ARHGAP22: variants seen among roughly 807,000 people sequenced by gnomAD.
ARHGAP22 encodes rho GTPase-activating protein 22.
In ARHGAP22, 48 loss-of-function variants were observed where a neutral mutation model predicts 59.1. The ratio of observed to expected loss-of-function variants is 0.81; its 90% CI spans 0.64 to 1.03. The LOEUF (loss-of-function observed/expected upper bound fraction) is 1.03. ARHGAP22 is among the 50% of genes least tolerant of loss of function. The pLI is 0.00. For synonymous variants in ARHGAP22, 445 were observed against 416.4 expected (o/e 1.07, Z -0.84); for missense variants, 1,015 against 958.7 (o/e 1.06, Z -0.78).
At chr10:48,647,852 T>A (rs937591609) in intron 1 of ARHGAP22, among the ~76,000 whole-genome samples, 1 of 152,168 alleles carries the variant, frequency 6.6e-6, no homozygotes, top group African/African-American at 2.4e-5. Context: ...ATTACTCAGC[T>A]ACAAAGGAGC....
At chr10:48,439,180 C>T in the ARHGAP22 span, 8 of 151,586 alleles carry the variant, frequency 5.3e-5, no homozygotes, top group Non-Finnish European at 1.2e-4. Context: ...CTCTCCTTTC[C>T]TCTAGACAAA....
intron 3 of ARHGAP22, among the ~76,000 whole-genome samples, chr10:48,521,595 G>C (rs1476780102): frequency 1.3e-5 from 2 of 152,166 alleles, no homozygotes; most frequent in Non-Finnish European, 2.9e-5. Context: ...ATGATTAATG[G>C]ACTCTCTTTC....
intron 3 of ARHGAP22, among the ~76,000 whole-genome samples, chr10:48,531,281 A>G (rs893989700): frequency 6.6e-6 from 1 of 152,222 alleles, no homozygotes; most frequent in African/African-American, 2.4e-5. Flanking sequence ...AAAGGGTGGC[A>G]GGAGGCTGAG....
intron 1 of ARHGAP22, chr10:48,624,138 C>T (rs1398691091): frequency 6.6e-6 from 1 of 152,264 alleles, no homozygotes; most frequent in East Asian, 1.9e-4. Context: ...TTGTTGAGAT[C>T]ATCAAAAGAG....
chr10:48,578,916 T>TC (rs1158479551), intron 2 of ARHGAP22, among the ~76,000 whole-genome samples: 2 of 152,110 alleles, frequency 1.3e-5, no homozygotes, highest in Non-Finnish European at 2.9e-5. Flanking sequence ...CCTTTTTTTT[T>TC]CCGTTCTTTT....
At chr10:48,579,692 C>A (rs2058988591) in intron 2 of ARHGAP22, among the ~76,000 whole-genome samples, 1 of 152,202 alleles carries the variant, frequency 6.6e-6, no homozygotes, top group Non-Finnish European at 1.5e-5. Context: ...GTGTTGTGAG[C>A]TCTGCGAAGC....
At position 48,453,325 on chromosome 10, in the gene ARHGAP22, C is replaced by T; in HGVS notation, c.967G>A (p.Asp323Asn). 3 of 1,613,900 alleles carry T rather than the reference C, an allele frequency of 1.9e-6. No individual in the cohort carries two copies. The highest frequency in any genetic ancestry group is 2.5e-6 in the Non-Finnish European group (3 of 1,179,928). Residue 323 changes from aspartate (D) to asparagine (N), a missense_variant, in exon 8 of 10, where the codon GAC becomes AAC. Transcript: ENST00000249601. Reference protein sequence around the residue: ...GPNILRPQVEDPVTIMEGTSL... With the variant: ...GPNILRPQVENPVTIMEGTSL... Reference sequence around the variant, plus strand: ...TTACCTTCCATGATGGTTACTGGGTCCTCTACCTGTGGCCGCAGAATGTTA... The same window carrying T: ...TTACCTTCCATGATGGTTACTGGGTTCTCTACCTGTGGCCGCAGAATGTTA...
At chr10:48,539,309 T>TTTTTTTA in intron 3 of ARHGAP22, among the ~76,000 whole-genome samples, 4 of 148,250 alleles carry the variant, frequency 2.7e-5, no homozygotes, top group African/African-American at 1.0e-4. Flanking sequence ...TTTTTTTTTT[T>TTTTTTTA]GAGACGGAGT....
chr10:48,605,362 G>A (rs1169466319), upstream of ARHGAP22, among the ~76,000 whole-genome samples: 1 of 144,898 alleles, frequency 6.9e-6, no homozygotes, highest in African/African-American at 2.6e-5. Flanking sequence ...CAATCCACGG[G>A]GACCCGCTTA....
rs74130277 is a variant in ARHGAP22, at chr10:48,446,225, T to A, written c.*166A>T. The A allele has an allele frequency of 2.8e-3, 1,879 of 670,780 alleles. 28 individuals are homozygous for A. The African/African-American group carries it at 0.029, about 10-fold the overall frequency. The allele number at this position is 670,780 out of a possible 1,614,324, so 41.6% of individuals were successfully genotyped here. A position where few individuals can be genotyped will look rare whatever the true frequency, so the allele number is the denominator to read the frequency against. On this transcript the variant is annotated 3_prime_UTR_variant, in exon 10 of 10. Transcript: ENST00000249601. Reference sequence around the variant, plus strand: ...GAGCAGCATCTGATCCCACCTGGAGTGTGTGGGGTCCCAAAAGTCCCCACA... The same window carrying A: ...GAGCAGCATCTGATCCCACCTGGAGAGTGTGGGGTCCCAAAAGTCCCCACA...
At chr10:48,655,031 ATTCTTTCTTTCT>A (rs1385320986), upstream of ARHGAP22, among the ~76,000 whole-genome samples, 1 of 35,824 alleles carries the variant, frequency 2.8e-5, no homozygotes, top group South Asian at 8.7e-4. Flanking sequence ...TCTTTCTTTC[ATTCTTTCTTTCT>A]TTCTTTCTTT....
At chr10:48,601,715 A>G (rs902023555) in intron 1 of ARHGAP22, among the ~76,000 whole-genome samples, 2 of 152,148 alleles carry the variant, frequency 1.3e-5, no homozygotes, top group Non-Finnish European at 2.9e-5. Context: ...GTTATATATG[A>G]TAATAATTTT....
chr10:48,652,190 G>A, intron 1 of ARHGAP22: 1 of 1,508,568 alleles, frequency 6.6e-7, no homozygotes, highest in Non-Finnish European at 8.9e-7. Context: ...GAAGTCAAAT[G>A]CAAAGGTAAT....
intron 9 of ARHGAP22, 59 bp downstream of exon 9, chr10:48,450,202 C>A (rs764202853): frequency 1.0e-4 from 159 of 1,570,426 alleles, no homozygotes; most frequent in Non-Finnish European, 1.3e-4. Context: ...GTGCCAAGAG[C>A]ACGGCTCTCC....
chr10:48,604,515 G>A (rs2060567670), intron 1 of ARHGAP22, among the ~76,000 whole-genome samples: 2 of 152,224 alleles, frequency 1.3e-5, no homozygotes, highest in Admixed American at 6.5e-5. Context: ...AATGTGGGGC[G>A]AAGTGTGCAC....
intron 4 of ARHGAP22, among the ~76,000 whole-genome samples, chr10:48,477,486 C>T (rs2048861417): frequency 6.6e-6 from 1 of 152,220 alleles, no homozygotes; most frequent in Admixed American, 6.5e-5. Flanking sequence ...ATCCAAGTCT[C>T]CTGGCATACC....
At chr10:48,643,157 C>T (rs148722162) in intron 1 of ARHGAP22, among the ~76,000 whole-genome samples, 5,912 of 152,194 alleles carry the variant, frequency 0.039, 162 homozygotes, top group Non-Finnish European at 0.059. Flanking sequence ...TAAACTAGTT[C>T]GACCATTGTG....
chr10:48,476,349 C>G (rs1054158916), intron 4 of ARHGAP22, among the ~76,000 whole-genome samples: 6 of 152,256 alleles, frequency 3.9e-5, no homozygotes, highest in Non-Finnish European at 8.8e-5. Context: ...GCTGTCCCAT[C>G]TGCAGCAGGC....
At chr10:48,501,517 G>A (rs2051522488) in intron 3 of ARHGAP22, among the ~76,000 whole-genome samples, 1 of 152,186 alleles carries the variant, frequency 6.6e-6, no homozygotes. Flanking sequence ...TGAGGAAAGT[G>A]GGCAGACCTT....
Sources: allele counts gnomAD v4.1 joint callset (sites outside exome capture counted in the v4.1 genomes callset), GRCh38; gene constraint gnomAD v4.1.1; transcripts MANE v1.5; gene names NCBI Gene and HGNC (gene_info 2026-07-23, HGNC 2026-07-21).